STX8: variants seen among roughly 807,000 people sequenced by gnomAD.
STX8 encodes syntaxin 8, also known as syntaxin-8.
STX8 carries 23 observed loss-of-function variants against 37.5 expected under a neutral mutation model. That is an observed-to-expected ratio of 0.61 (90% CI 0.44 to 0.87). The LOEUF (loss-of-function observed/expected upper bound fraction) is 0.87, where lower values mean the gene tolerates loss of function less well. Among genes scored for constraint, STX8 ranks in the 40% least tolerant of loss-of-function variants. The pLI, the probability that STX8 is intolerant of heterozygous loss-of-function variation, is 0.00. For synonymous variants in STX8, 115 were observed against 99.1 expected (o/e 1.16, Z -0.95); for missense variants, 313 against 284.7 (o/e 1.10, Z -0.71).
chr17:9,514,006 G>A (rs1276933782), intron 4 of STX8, among the ~76,000 whole-genome samples: 1 of 152,158 alleles, frequency 6.6e-6, no homozygotes, highest in Non-Finnish European at 1.5e-5. Flanking sequence ...GTAGAACAGA[G>A]CACACCAGAA....
chr17:9,323,996 A>G (rs1383741385), intron 7 of STX8, among the ~76,000 whole-genome samples: 1 of 152,102 alleles, frequency 6.6e-6, no homozygotes, highest in African/African-American at 2.4e-5. Context: ...CTATTTGTGG[A>G]TCTGACATCA....
intron 6 of STX8, among the ~76,000 whole-genome samples, chr17:9,436,346 C>CAA (rs59912421): frequency 4.8e-4 from 55 of 113,918 alleles, no homozygotes; most frequent in African/African-American, 7.3e-4. Context: ...GCCTCCATCG[C>CAA]AAAAAAAAAA....
intron 6 of STX8, among the ~76,000 whole-genome samples, chr17:9,385,434 T>C (rs1472071676): frequency 6.6e-6 from 1 of 152,170 alleles, no homozygotes; most frequent in Non-Finnish European, 1.5e-5. Flanking sequence ...AGTATTTGTA[T>C]CTAGAGTATA....
intron 3 of STX8, among the ~76,000 whole-genome samples, chr17:9,546,642 G>A (rs1329226809): frequency 3.6e-5 from 4 of 110,056 alleles, no homozygotes; most frequent in Non-Finnish European, 5.1e-5. Context: ...TCTGTCTACA[G>A]GCTGGAGTGC....
chr17:9,276,595 C>CA (rs1329922692), intron 7 of STX8, among the ~76,000 whole-genome samples: 1 of 151,494 alleles, frequency 6.6e-6, no homozygotes, highest in Non-Finnish European at 1.5e-5. Flanking sequence ...AGTTTTTTGT[C>CA]AGCTTTTCTT....
chr17:9,388,968 TTAAA>T (rs1370191299), intron 6 of STX8, among the ~76,000 whole-genome samples: 6 of 152,242 alleles, frequency 3.9e-5, no homozygotes, highest in African/African-American at 1.4e-4. Context: ...TAACCATTCC[TTAAA>T]TAATAGCCCA....
At chr17:9,467,772 A>C (rs1597691247) in intron 6 of STX8, among the ~76,000 whole-genome samples, 1 of 152,252 alleles carries the variant, frequency 6.6e-6, no homozygotes. Flanking sequence ...GTGGCAGGGG[A>C]CCAAGGTTGC....
At chr17:9,566,684 G>A (rs772303274) in intron 2 of STX8, among the ~76,000 whole-genome samples, 4 of 152,164 alleles carry the variant, frequency 2.6e-5, no homozygotes, top group Non-Finnish European at 5.9e-5. Context: ...CTACTCTGGA[G>A]GCTGGGGCAG....
At chr17:9,392,033 C>T (rs972784124) in intron 6 of STX8, among the ~76,000 whole-genome samples, 1 of 152,180 alleles carries the variant, frequency 6.6e-6, no homozygotes, top group African/African-American at 2.4e-5. Flanking sequence ...ACCTGTGGGA[C>T]AGACCCAAAC....
intron 7 of STX8, among the ~76,000 whole-genome samples, chr17:9,285,207 G>T (rs561906218): frequency 4.6e-5 from 7 of 152,212 alleles, no homozygotes; most frequent in Non-Finnish European, 7.4e-5. Context: ...GAGAAAAACA[G>T]ATTCCCAGGC....
chr17:9,447,401 G>A (rs1358248645), intron 6 of STX8, among the ~76,000 whole-genome samples: 2 of 152,040 alleles, frequency 1.3e-5, no homozygotes, highest in African/African-American at 4.8e-5. Flanking sequence ...TAAAATCTTA[G>A]GAAGATTTTG....
intron 7 of STX8, among the ~76,000 whole-genome samples, chr17:9,255,732 G>A (rs1335352387): frequency 2.0e-5 from 3 of 147,788 alleles, no homozygotes; most frequent in Non-Finnish European, 4.4e-5. Flanking sequence ...GAGCAAACAG[G>A]GGGAGACTTT....
chr17:9,345,334 G>C (rs1396749437), intron 7 of STX8, among the ~76,000 whole-genome samples: 1 of 151,940 alleles, frequency 6.6e-6, no homozygotes, highest in Non-Finnish European at 1.5e-5. Context: ...ATTTTTATTA[G>C]AGACAGGGTT....
chr17:9,383,092 G>A (rs919840496), intron 6 of STX8, among the ~76,000 whole-genome samples: 2 of 152,216 alleles, frequency 1.3e-5, no homozygotes, highest in Admixed American at 6.5e-5. Context: ...AATGAAGACA[G>A]CTGTCTATGA....
intron 6 of STX8, among the ~76,000 whole-genome samples, chr17:9,453,225 G>A (rs2142405436): frequency 6.6e-6 from 1 of 152,252 alleles, no homozygotes; most frequent in East Asian, 1.9e-4. Flanking sequence ...GGTTCATAGG[G>A]TAGGTTCATC....
chr17:9,335,931 A>G (rs1454887375), intron 7 of STX8, among the ~76,000 whole-genome samples: 1 of 152,146 alleles, frequency 6.6e-6, no homozygotes, highest in African/African-American at 2.4e-5. Context: ...CTGGGGGGTT[A>G]TATGGCTATG....
intron 5 of STX8, among the ~76,000 whole-genome samples, chr17:9,494,223 G>C (rs867047419): frequency 4.5e-4 from 69 of 151,800 alleles, no homozygotes; most frequent in Admixed American, 1.4e-3. Flanking sequence ...CACCGTGTTA[G>C]CCAGGATGGT....
chr17:9,535,730 C>T (rs902176221), intron 4 of STX8, among the ~76,000 whole-genome samples: 2 of 151,942 alleles, frequency 1.3e-5, no homozygotes, highest in Non-Finnish European at 2.9e-5. Flanking sequence ...TCGTGCCCAT[C>T]CTCCAGCCAT....
At chr17:9,523,851 T>C (rs966478497) in intron 4 of STX8, among the ~76,000 whole-genome samples, 14 of 152,226 alleles carry the variant, frequency 9.2e-5, no homozygotes, top group African/African-American at 2.9e-4. Context: ...GTTTGGCAGC[T>C]GATATACAAA....
Sources: allele counts gnomAD v4.1 joint callset (sites outside exome capture counted in the v4.1 genomes callset), GRCh38; gene constraint gnomAD v4.1.1; transcripts MANE v1.5; gene names NCBI Gene and HGNC (gene_info 2026-07-23, HGNC 2026-07-21).